CBLN2: variants seen among roughly 807,000 people sequenced by gnomAD.
CBLN2 encodes cerebellin-2.
Under a neutral mutation model 15.0 loss-of-function variants are expected in CBLN2, and 7 were observed. The observed-to-expected ratio is 0.47, with a 90% CI of 0.27 to 0.88. The LOEUF (loss-of-function observed/expected upper bound fraction) is 0.88, where lower values mean the gene tolerates loss of function less well. Among genes scored for constraint, CBLN2 ranks in the 40% least tolerant of loss-of-function variants. The probability of loss-of-function intolerance (pLI) is 0.14; values close to 1 mark genes in which losing one functional copy is unlikely to be tolerated. For synonymous variants in CBLN2, 149 were observed against 135.2 expected (o/e 1.10, Z -0.71); for missense variants, 242 against 304.5 (o/e 0.79, Z 1.53).
At chr18:72,623,114 A>G (rs944368951) in intron 1 of CBLN2, among the ~76,000 whole-genome samples, 1 of 152,112 alleles carries the variant, frequency 6.6e-6, no homozygotes, top group Non-Finnish European at 1.5e-5. Context: ...GAGGTGCTAC[A>G]CACTTTTAAA....
chr18:72,629,884 C>T (rs1027355962), intron 1 of CBLN2, among the ~76,000 whole-genome samples: 1 of 152,056 alleles, frequency 6.6e-6, no homozygotes, highest in African/African-American at 2.4e-5. Flanking sequence ...TCTGATACCA[C>T]AATTTTTATA....
At chr18:72,636,748 C>G (rs572577953) in intron 1 of CBLN2, among the ~76,000 whole-genome samples, 4 of 152,254 alleles carry the variant, frequency 2.6e-5, no homozygotes, top group African/African-American at 9.6e-5. Flanking sequence ...TACCATGAGT[C>G]TGGGTTTCTC....
chr18:72,626,343 G>C (rs1362851161), intron 1 of CBLN2, among the ~76,000 whole-genome samples: 1 of 151,992 alleles, frequency 6.6e-6, no homozygotes, highest in South Asian at 2.1e-4. Context: ...TTTCAAATAA[G>C]AGACAGGTTA....
At chr18:72,623,906 T>C (rs1473130304) in intron 1 of CBLN2, among the ~76,000 whole-genome samples, 1 of 152,178 alleles carries the variant, frequency 6.6e-6, no homozygotes, top group African/African-American at 2.4e-5. Context: ...TAAAAATACT[T>C]CTGCTTTTTA....
intron 1 of CBLN2, among the ~76,000 whole-genome samples, chr18:72,552,374 G>A (rs192347846): frequency 5.3e-5 from 8 of 152,012 alleles, no homozygotes; most frequent in Non-Finnish European, 7.4e-5. Flanking sequence ...ATAAGCCACT[G>A]AGCCCGGCCA....
upstream of CBLN2, among the ~76,000 whole-genome samples, chr18:72,549,329 G>A (rs2069177850): frequency 6.6e-6 from 1 of 152,204 alleles, no homozygotes; most frequent in Non-Finnish European, 1.5e-5. Flanking sequence ...TAACAAGCTT[G>A]CAGCTGATGC....
chr18:72,557,327 A>C (rs1406359094), intron 1 of CBLN2, among the ~76,000 whole-genome samples: 1 of 152,156 alleles, frequency 6.6e-6, no homozygotes, highest in East Asian at 1.9e-4. Context: ...TATCATGAAC[A>C]GTGTGGCAAT....
Position 72,625,818 on chromosome 18 carries a change from C to CTATATA in CBLN2, c.15+12501_15+12506dup, listed in dbSNP as rs56391046. Among the ~76,000 whole-genome samples the CTATATA allele has an allele frequency of 7.5e-3, 430 of 57,348 alleles. 9 individuals are homozygous for CTATATA. The highest frequency in any genetic ancestry group is 0.011 in the Non-Finnish European group (347 of 30,800). 37.6% of individuals were successfully genotyped at this position (57,348 alleles called of 152,430 possible). A position where few individuals can be genotyped will look rare whatever the true frequency, so the allele number is the denominator to read the frequency against. On this transcript the variant is annotated intron_variant, in intron 1 of 2. Transcript: ENST00000581073. Reference sequence around the variant, plus strand: ...TCTCTCTCTCTCTCTCTCTCTCTCTCTATATATATATATATATATATATAT... The same window carrying CTATATA: ...TCTCTCTCTCTCTCTCTCTCTCTCTCTATATATATATATATATATATATATATATAT...
intron 1 of CBLN2, among the ~76,000 whole-genome samples, chr18:72,601,717 A>C (rs1232469961): frequency 6.6e-6 from 1 of 151,810 alleles, no homozygotes; most frequent in South Asian, 2.1e-4. Flanking sequence ...CAGCGTCCCC[A>C]CCCCATTTTG....
chr18:72,626,207 A>G lies in CBLN2; in HGVS notation c.15+12118T>C, dbSNP rs575556143. Reference sequence around the variant, plus strand: ...CAAGGCACTGGGTTTACAAAGAAGAATAAGAAATGATCTCTGTCTTAAAGA... The same window carrying G: ...CAAGGCACTGGGTTTACAAAGAAGAGTAAGAAATGATCTCTGTCTTAAAGA... On this transcript the variant is annotated intron_variant, in intron 1 of 2. Transcript: ENST00000581073. Among the ~76,000 whole-genome samples the G allele has an allele frequency of 6.6e-5, 10 of 152,258 alleles. No homozygotes were observed. In the East Asian group the frequency reaches 1.9e-3, roughly 29 times the overall value.
At position 72,599,228 on chromosome 18, in the gene CBLN2, T is replaced by A. The variant is rs553396307; in HGVS notation, c.15+39097A>T. Among the ~76,000 whole-genome samples the A allele has an allele frequency of 2.3e-4, 35 of 152,334 alleles. No homozygotes were observed. In the South Asian group the frequency reaches 7.0e-3, roughly 31 times the overall value. On this transcript the variant is annotated intron_variant, in intron 1 of 2. Transcript: ENST00000581073. ...AAATTCCATGTCATTATTAATTTTTTAATTTTTAATGAAGTACATTCTTTA... is the reference window on the plus strand; with the variant it reads ...AAATTCCATGTCATTATTAATTTTTAAATTTTTAATGAAGTACATTCTTTA...
intron 1 of CBLN2, among the ~76,000 whole-genome samples, chr18:72,567,263 G>T (rs1376283685): frequency 1.3e-5 from 2 of 152,196 alleles, no homozygotes; most frequent in Non-Finnish European, 1.5e-5. Flanking sequence ...ATAATAATAA[G>T]AAGAACTAAA....
chr18:72,609,561 T>C (rs2069607190), intron 1 of CBLN2, among the ~76,000 whole-genome samples: 1 of 152,138 alleles, frequency 6.6e-6, no homozygotes. Flanking sequence ...GGTACTTTGT[T>C]ATGGCAGCCC....
intron 1 of CBLN2, among the ~76,000 whole-genome samples, chr18:72,551,839 T>A (rs2069193748): frequency 6.6e-6 from 1 of 152,226 alleles, no homozygotes; most frequent in Non-Finnish European, 1.5e-5. Context: ...CCTTACCTTC[T>A]TGACTCACCT....
intron 1 of CBLN2, among the ~76,000 whole-genome samples, chr18:72,588,469 C>CT (rs2069457402): frequency 6.6e-6 from 1 of 152,234 alleles, no homozygotes; most frequent in African/African-American, 2.4e-5. Context: ...ACCACCACCT[C>CT]TATCTAGTTC....
At chr18:72,547,415 G>A (rs1443988028), upstream of CBLN2, among the ~76,000 whole-genome samples, 1 of 151,866 alleles carries the variant, frequency 6.6e-6, no homozygotes, top group Non-Finnish European at 1.5e-5. Context: ...ACACTATTTG[G>A]GTACCTGTGT....
intron 1 of CBLN2, among the ~76,000 whole-genome samples, chr18:72,632,940 T>A (rs1400328983): frequency 2.0e-5 from 3 of 152,214 alleles, no homozygotes; most frequent in Non-Finnish European, 4.4e-5. Context: ...ACATAAATTT[T>A]GAATAAATTA....
chr18:72,624,814 T>A (rs1379251316), intron 1 of CBLN2, among the ~76,000 whole-genome samples: 4 of 152,210 alleles, frequency 2.6e-5, no homozygotes, highest in African/African-American at 9.6e-5. Flanking sequence ...CACCTTGCAA[T>A]TTCTTTTTAC....
intron 1 of CBLN2, among the ~76,000 whole-genome samples, chr18:72,619,383 C>T (rs562147084): frequency 4.1e-4 from 63 of 152,244 alleles, no homozygotes; most frequent in African/African-American, 1.4e-3. Flanking sequence ...TGTGTATGGG[C>T]AAAATCTCAA....
Sources: gnomAD v4.1 joint callset for allele counts (sites outside exome capture counted in the v4.1 genomes callset) on GRCh38, gnomAD v4.1.1 for gene constraint, MANE v1.5 for transcripts, NCBI Gene and HGNC (gene_info 2026-07-23, HGNC 2026-07-21) for gene names.